Variants in ITFG1 observed in about 807,000 individuals in gnomAD.
The protein encoded by ITFG1 is integrin alpha FG-GAP repeat containing 1.
Under a neutral mutation model 81.8 loss-of-function variants are expected in ITFG1, and 34 were observed. The observed-to-expected ratio is 0.42, with a 90% CI of 0.32 to 0.55. The LOEUF (loss-of-function observed/expected upper bound fraction) is 0.55, where lower values mean the gene tolerates loss of function less well. ITFG1 is among the 20% of genes least tolerant of loss of function. ITFG1 has a pLI of 0.17. For missense variants in ITFG1, 672 were observed against 755.4 expected, an observed-to-expected ratio of 0.89 and a Z score of 1.29; for synonymous variants, 285 against 270.6, an observed-to-expected ratio of 1.05 and a Z score of -0.52.
At chr16:47,232,882 C>T (rs1171245810) in intron 13 of ITFG1, among the ~76,000 whole-genome samples, 1 of 152,034 alleles carries the variant, frequency 6.6e-6, no homozygotes, top group Non-Finnish European at 1.5e-5. Flanking sequence ...CTCAAGAGAT[C>T]CTCCTGCCTC....
At chr16:47,448,604 A>ATTTTT (rs34421476) in intron 5 of ITFG1, 2 of 128,196 alleles carry the variant, frequency 1.6e-5, no homozygotes, top group African/African-American at 6.1e-5. Context: ...GAGTCAGAAA[A>ATTTTT]TTTTTTTTTT....
intron 6 of ITFG1, among the ~76,000 whole-genome samples, chr16:47,376,428 T>C (rs1316510366): frequency 6.6e-6 from 1 of 152,200 alleles, no homozygotes; most frequent in Non-Finnish European, 1.5e-5. Flanking sequence ...AGTAATAGAA[T>C]TGTCTTCATA....
At chr16:47,236,812 C>T (rs574985665) in intron 13 of ITFG1, among the ~76,000 whole-genome samples, 5 of 152,166 alleles carry the variant, frequency 3.3e-5, no homozygotes, top group East Asian at 3.9e-4. Flanking sequence ...ACTGTGGTGA[C>T]GCCTCATCCA....
intron 5 of ITFG1, among the ~76,000 whole-genome samples, chr16:47,439,061 G>T (rs1040775566): frequency 6.6e-6 from 1 of 152,168 alleles, no homozygotes; most frequent in South Asian, 2.1e-4. Flanking sequence ...TAACCGATGC[G>T]ATGAACTGGA....
At chr16:47,266,838 G>C (rs1966281917) in intron 10 of ITFG1, among the ~76,000 whole-genome samples, 1 of 152,054 alleles carries the variant, frequency 6.6e-6, no homozygotes, top group African/African-American at 2.4e-5. Flanking sequence ...AACAAAATGT[G>C]GTATATCTAT....
chr16:47,233,833 A>G (rs541828451), intron 13 of ITFG1, among the ~76,000 whole-genome samples: 3 of 152,348 alleles, frequency 2.0e-5, no homozygotes, highest in East Asian at 1.9e-4. Context: ...TACTTCATCA[A>G]CTGGGCTCCT....
In ITFG1 at chr16:47,161,774, G is replaced by A; in HGVS notation, c.1637C>T (p.Pro546Leu). 6.2e-7 allele frequency: 1 copy of A among 1,611,040 alleles called. No individual in the cohort carries two copies. Among genetic ancestry groups the A allele is most frequent in the Non-Finnish European group, 8.5e-7 (1 of 1,177,394 alleles). Residue 546 changes from proline (P) to leucine (L), a missense_variant, in exon 16 of 18, where the codon CCA becomes CTA. Transcript: ENST00000320640. ...CCTTCGAGGGACATTGTGAGGGTAT[G>A]GAATGACAATTAGCTGGGAATTTGG... Reference protein sequence around the residue: ...IIPNSQLIVIPYPHNVPRSWS... With the variant: ...IIPNSQLIVILYPHNVPRSWS...
chr16:47,376,404 T>C (rs1236874711), intron 6 of ITFG1, among the ~76,000 whole-genome samples: 1 of 152,236 alleles, frequency 6.6e-6, no homozygotes, highest in Non-Finnish European at 1.5e-5. Flanking sequence ...GAATAAATTA[T>C]GTTTCAAATT....
At chr16:47,422,702 T>C (rs545374605) in intron 6 of ITFG1, among the ~76,000 whole-genome samples, 4 of 152,218 alleles carry the variant, frequency 2.6e-5, no homozygotes, top group Non-Finnish European at 5.9e-5. Flanking sequence ...ATTCAACCTC[T>C]TCCTGGTTTA....
At chr16:47,378,964 T>G (rs750372322) in intron 6 of ITFG1, among the ~76,000 whole-genome samples, 1 of 152,192 alleles carries the variant, frequency 6.6e-6, no homozygotes, top group Non-Finnish European at 1.5e-5. Context: ...GCCACCCAGA[T>G]GCCCTTTTGG....
chr16:47,434,203 CAAAGGGATCTAATTAAACT>C (rs1969133569), intron 5 of ITFG1, among the ~76,000 whole-genome samples: 1 of 151,608 alleles, frequency 6.6e-6, no homozygotes, highest in South Asian at 2.1e-4. Context: ...TAAAAATTGA[CAAAGGGATCTAATTAAACT>C]AAAGAGTTTC....
At chr16:47,365,558 C>T in intron 8 of ITFG1, 1 of 415,148 alleles carries the variant, frequency 2.4e-6, no homozygotes. Flanking sequence ...ATTACTTCTG[C>T]AAACAGTATC....
Position 47,453,881 on chromosome 16 carries a change from A to G in ITFG1, c.427+132T>C, listed in dbSNP as rs573800820. 9.2e-6 allele frequency: 6 copies of G among 649,334 alleles called. No homozygotes were observed. The East Asian group carries it at 1.7e-4, about 18-fold the overall frequency. 40.2% of individuals were successfully genotyped at this position (649,334 alleles called of 1,614,324 possible). On this transcript the variant is annotated intron_variant, in intron 3 of 17. Transcript: ENST00000320640. ...GGTTGAAAAAGAAAAATCAGGAAAT[A>G]AACTTTGAAAAAAGGTTTTACAATT...
rs145658500 is a variant in ITFG1 at position 47,199,150 on chromosome 16, C to T, written c.1453+19718G>A. Among the ~76,000 whole-genome samples the T allele has an allele frequency of 7.3e-3, 1,104 of 152,060 alleles. 19 individuals are homozygous for T. Among genetic ancestry groups the T allele is most frequent in the African/African-American group, 0.026 (1,063 of 41,474 alleles). On this transcript the variant is annotated intron_variant, in intron 14 of 17. Transcript: ENST00000320640. ...TTACCCGGGCATCATGGCCCATAAT[C>T]CCAGTTACTTGGAAGCTGAGGCAGG...
At chr16:47,337,905 C>T (rs1220699262) in intron 8 of ITFG1, among the ~76,000 whole-genome samples, 1 of 152,210 alleles carries the variant, frequency 6.6e-6, no homozygotes, top group East Asian at 1.9e-4. Context: ...AGTGCCCTAG[C>T]ACAGAGCCAG....
At chr16:47,288,594 C>T (rs1966879354) in intron 10 of ITFG1, among the ~76,000 whole-genome samples, 1 of 152,140 alleles carries the variant, frequency 6.6e-6, no homozygotes, top group Admixed American at 6.5e-5. Context: ...TCTGCATCCT[C>T]AACAGCATTT....
chr16:47,376,517 C>G (rs572750508), intron 6 of ITFG1, among the ~76,000 whole-genome samples: 124 of 152,108 alleles, frequency 8.2e-4, no homozygotes, highest in Middle Eastern at 3.4e-3. Flanking sequence ...AATAGGTTCA[C>G]AGTCAAATGA....
intron 6 of ITFG1, among the ~76,000 whole-genome samples, chr16:47,383,789 A>G (rs754019371): frequency 6.6e-6 from 1 of 152,238 alleles, no homozygotes; most frequent in Non-Finnish European, 1.5e-5. Context: ...CTGTAATCCC[A>G]GCTACTCAGG....
intron 8 of ITFG1, among the ~76,000 whole-genome samples, chr16:47,353,252 T>G (rs1469219029): frequency 1.3e-5 from 2 of 152,098 alleles, no homozygotes; most frequent in Non-Finnish European, 2.9e-5. Context: ...CAAGTGGGAT[T>G]CATCCCAGAG....
Sources: allele counts gnomAD v4.1 joint callset (sites outside exome capture counted in the v4.1 genomes callset), GRCh38; gene constraint gnomAD v4.1.1; transcripts MANE v1.5; gene names NCBI Gene and HGNC (gene_info 2026-07-23, HGNC 2026-07-21).